Variants in VPS11 observed in about 807,000 individuals in gnomAD.
VPS11 encodes VPS11 core subunit of CORVET and HOPS complexes, also known as vacuolar protein sorting-associated protein 11 homolog.
A neutral mutation model predicts 106.8 loss-of-function variants in VPS11; 51 were observed. The ratio of observed to expected loss-of-function variants is 0.48; its 90% CI spans 0.38 to 0.60. The LOEUF (loss-of-function observed/expected upper bound fraction) is 0.60, where lower values mean the gene tolerates loss of function less well. VPS11 is among the 20% of genes least tolerant of loss of function. The probability of loss-of-function intolerance (pLI) is 0.00; values close to 1 mark genes in which losing one functional copy is unlikely to be tolerated. For missense variants in VPS11, 950 were observed against 1,190.0 expected, an observed-to-expected ratio of 0.80 and a Z score of 2.97; for synonymous variants, 453 against 458.7, an observed-to-expected ratio of 0.99 and a Z score of 0.16.
chr11:119,069,321 G>C lies in VPS11; in HGVS notation c.313G>C (p.Asp105His), dbSNP rs782263380. 6.8e-6 allele frequency: 11 copies of C among 1,614,010 alleles called. No homozygotes were observed. The highest frequency in any genetic ancestry group is 9.3e-6 in the Non-Finnish European group (11 of 1,179,896). Residue 105 changes from aspartate (D) to histidine (H), a missense_variant, in exon 2 of 16, where the codon GAT becomes CAT. Coordinates refer to ENST00000621676, the MANE Select transcript of VPS11 (RefSeq NM_021729.6). ...QHNILASVGEDEEGINPLVKI... is the reference protein window; with the variant it reads ...QHNILASVGEHEEGINPLVKI... ...CAATATTCTGGCATCTGTTGGAGAA[G>C]ATGAAGAGGGCATCAACCCCTTGGT...
Position 119,073,337 on chromosome 11 carries a change from G to T in VPS11, c.1024G>T (p.Val342Leu), listed in dbSNP as rs781940045. 1.2e-6 allele frequency: 2 copies of T among 1,613,964 alleles called. No individual in the cohort carries two copies. The highest frequency in any genetic ancestry group is 1.7e-6 in the Non-Finnish European group (2 of 1,179,886). ...DVLAEWGSLY[V>L]LTRDGRVHAL... is the part of the protein sequence containing the mutation. ...GCTTGCTGAGTGGGGCTCCCTGTAC[G>T]TGCTGACGCGGGATGGGCGGGTCCA... The change falls in exon 6 of 16, where the codon GTG becomes TTG. Residue 342 changes from valine (V) to leucine (L), a missense_variant. Physicochemically the swap from Val to Leu is conservative, Grantham distance 32. Coordinates refer to ENST00000621676, the MANE Select transcript of VPS11 (RefSeq NM_021729.6).
At chr11:119,074,017 C>T (rs955157701) in intron 7 of VPS11, 66 bp downstream of exon 7, 23 of 1,528,096 alleles carry the variant, frequency 1.5e-5, no homozygotes, top group Non-Finnish European at 2.1e-5. Context: ...TAGCTAAAGC[C>T]CATCCATGCT....
chr11:119,079,275 C>A lies in VPS11; in HGVS notation c.2413C>A (p.Gln805Lys). The A allele has an allele frequency of 1.3e-6, 2 of 1,598,560 alleles. No individual in the cohort carries two copies. The highest frequency in any genetic ancestry group is 1.1e-5 in the South Asian group (1 of 88,688). ...RYREETTRIR[Q>K]EIQELKASPK... Reference sequence around the variant, plus strand: ...CCGAGAGGAGACCACCCGTATCCGCCAGGAGATCCAAGAGCTCAAGGCCAG... The same window carrying A: ...CCGAGAGGAGACCACCCGTATCCGCAAGGAGATCCAAGAGCTCAAGGCCAG... The change falls in exon 14 of 16, where the codon CAG (glutamine) becomes AAG (lysine). Residue 805 changes from glutamine to lysine, a missense_variant. By Grantham distance (53) the Gln-to-Lys change is moderately conservative (BLOSUM62 1). Coordinates refer to ENST00000621676, the MANE Select transcript of VPS11 (RefSeq NM_021729.6).
In VPS11 at chr11:119,079,222, C is replaced by T. The variant is rs781919988; in HGVS notation, c.2360C>T (p.Ala787Val). 6.2e-7 allele frequency: 1 copy of T among 1,612,746 alleles called. No individual in the cohort carries two copies. The highest frequency in any genetic ancestry group is 8.5e-7 in the Non-Finnish European group (1 of 1,179,372). Residue 787 changes from alanine (A) to valine (V), a missense_variant, in exon 14 of 16, where the codon GCA becomes GTA. By Grantham distance (64) the Ala-to-Val change is moderately conservative. Coordinates refer to ENST00000621676, the MANE Select transcript of VPS11 (RefSeq NM_021729.6). Reference protein sequence around the residue: ...QKLQKQSQQIAQDELRVRRYR... With the variant: ...QKLQKQSQQIVQDELRVRRYR... ...CTACAGAAACAGAGCCAGCAGATTGCACAGGATGAGCTGCGGGTGCGGCGG... is the reference window on the plus strand; with the variant it reads ...CTACAGAAACAGAGCCAGCAGATTGTACAGGATGAGCTGCGGGTGCGGCGG...
At chr11:119,070,560 C>G (rs1331565160) in intron 4 of VPS11, 163 bp downstream of exon 4, 2 of 789,214 alleles carry the variant, frequency 2.5e-6, no homozygotes, top group Non-Finnish European at 3.6e-6. Context: ...GCCTAGGAAG[C>G]TGGAAAGAGT....
chr11:119,079,173 A>G lies in VPS11; in HGVS notation c.2311A>G (p.Ile771Val), dbSNP rs782319766. The G allele has an allele frequency of 3.7e-6, 6 of 1,613,898 alleles. No individual in the cohort carries two copies. In the South Asian group the frequency reaches 5.5e-5, roughly 15 times the overall value. Reference protein sequence around the residue: ...AHNSTATLSVIRDYLVQKLQK... With the variant: ...AHNSTATLSVVRDYLVQKLQK... ...CAACTCCACAGCCACACTCTCCGTC[A>G]TCAGGGACTACCTGGTCCAAAAACT... The change falls in exon 14 of 16, where the codon ATC (isoleucine) becomes GTC (valine). Residue 771 changes from isoleucine (I) to valine (V), a missense_variant. Coordinates refer to ENST00000621676, the MANE Select transcript of VPS11 (RefSeq NM_021729.6).
At chr11:119,075,136 G>A (rs1187349709) in intron 7 of VPS11, among the ~76,000 whole-genome samples, 8 of 151,932 alleles carry the variant, frequency 5.3e-5, no homozygotes, top group Non-Finnish European at 8.8e-5. Flanking sequence ...GTGTCGTGGC[G>A]GGCGCCTGTA....
chr11:119,077,857 C>G lies in VPS11; in HGVS notation c.1573-21C>G, dbSNP rs781814943. 6 of 1,613,474 alleles carry G rather than the reference C, an allele frequency of 3.7e-6. 1 individual carries two copies. In the South Asian group the frequency reaches 6.6e-5, roughly 18 times the overall value. On this transcript the variant is annotated intron_variant, in intron 9 of 15. Coordinates refer to ENST00000621676, the MANE Select transcript of VPS11 (RefSeq NM_021729.6). Reference sequence around the variant, plus strand: ...GGCTGAGGCAGGAGTATACACTATTCTGCCCTTTACTTTTCCACAGAATTA... The same window carrying G: ...GGCTGAGGCAGGAGTATACACTATTGTGCCCTTTACTTTTCCACAGAATTA...
intron 1 of VPS11, among the ~76,000 whole-genome samples, 190 bp from the exon 2 acceptor site, chr11:119,069,006 C>CG (rs1491094351): frequency 0.015 from 988 of 65,816 alleles, 105 homozygotes; most frequent in African/African-American, 0.062. Context: ...ACCCCCCCCC[C>CG]CCCCCGGCCT....
rs1365471382 is a variant in VPS11 at position 119,069,272 on chromosome 11, A to T, written c.264A>T (p.Thr88=). ...TGFQAYKLRV[T]HLYQLKQHNI... is the part of the protein sequence containing the mutation. ...TCCAAGCCTACAAACTACGGGTGACACACCTGTACCAACTGAAGCAGCACA... is the reference window on the plus strand; with the variant it reads ...TCCAAGCCTACAAACTACGGGTGACTCACCTGTACCAACTGAAGCAGCACA... The change falls in exon 2 of 16, where the codon ACA becomes ACT. Residue 88 remains threonine, a synonymous_variant. Transcript: ENST00000621676. 1.2e-6 allele frequency: 2 copies of T among 1,613,994 alleles called. No homozygotes were observed. The highest frequency in any genetic ancestry group is 4.5e-5 in the East Asian group (2 of 44,890).
At chr11:119,074,488 C>A (rs1257285591) in intron 7 of VPS11, among the ~76,000 whole-genome samples, 6 of 151,454 alleles carry the variant, frequency 4.0e-5, no homozygotes, top group African/African-American at 1.2e-4. Context: ...TCACTGCAAC[C>A]TCTGCCTCGG....
chr11:119,075,051 G>T (rs1945551602), intron 7 of VPS11, among the ~76,000 whole-genome samples: 1 of 152,050 alleles, frequency 6.6e-6, no homozygotes, highest in Non-Finnish European at 1.5e-5. Context: ...TGGATCACGA[G>T]GTCAGGAGAT....
rs376804275 is a variant in VPS11 at position 119,069,313 on chromosome 11, T to C, written c.305T>C (p.Val102Ala). 1.9e-6 allele frequency: 3 copies of C among 1,613,838 alleles called. No homozygotes were observed. In the African/African-American group the frequency reaches 4.0e-5, roughly 22 times the overall value. The change falls in exon 2 of 16, where the codon GTT becomes GCT. Residue 102 changes from valine to alanine, a missense_variant. Around this residue, in one of 3 missense-constraint regions of VPS11, gnomAD observed 435 missense variants for 630.2 expected, o/e 0.69. Coordinates refer to ENST00000621676, the MANE Select transcript of VPS11 (RefSeq NM_021729.6). ...QLKQHNILASVGEDEEGINPL... is the reference protein window; with the variant it reads ...QLKQHNILASAGEDEEGINPL... ...AAGCAGCACAATATTCTGGCATCTG[T>C]TGGAGAAGATGAAGAGGGCATCAAC...
chr11:119,074,066 T>G (rs1945506343), intron 7 of VPS11, 115 bp downstream of exon 7: 1 of 1,284,898 alleles, frequency 7.8e-7, no homozygotes, highest in Non-Finnish European at 1.0e-6. Flanking sequence ...ACTGTTTTTG[T>G]TTTTGGTTTT....
intron 5 of VPS11, 78 bp downstream of exon 5, chr11:119,071,921 C>T (rs976445688): frequency 6.5e-7 from 1 of 1,543,810 alleles, no homozygotes; most frequent in Non-Finnish European, 8.8e-7. Flanking sequence ...AATCCTAATG[C>T]CTGGATACTG....
At chr11:119,068,823 C>G (rs371370916) in intron 1 of VPS11, among the ~76,000 whole-genome samples, 8 of 152,002 alleles carry the variant, frequency 5.3e-5, no homozygotes, top group African/African-American at 1.9e-4. Context: ...ATGATCTGGG[C>G]ACACTGCAAC....
chr11:119,079,102 T>G, intron 13 of VPS11, 27 bp from the exon 14 acceptor site: 3 of 1,612,314 alleles, frequency 1.9e-6, no homozygotes, highest in Non-Finnish European at 2.5e-6. Flanking sequence ...GTTGATTGTC[T>G]TGTTTCCTCT....
Position 119,071,655 on chromosome 11 carries a change from C to T in VPS11, c.696C>T (p.Gly232=). 6.2e-7 allele frequency: 1 copy of T among 1,614,008 alleles called. No individual in the cohort carries two copies. The highest frequency in any genetic ancestry group is 8.5e-7 in the Non-Finnish European group (1 of 1,179,894). The change falls in exon 5 of 16, where the codon GGC becomes GGT. Residue 232 remains glycine (G), a synonymous_variant. Transcript: ENST00000621676. The part of the protein sequence containing the change: ...PRVELDTHGC[G]LRCSALSDPS... ...TGGAGTTGGACACCCATGGTTGTGG[C>T]CTGCGCTGCTCAGCCCTAAGTGACC... is the stretch of plus-strand genomic sequence containing the variant.
At position 119,076,883 on chromosome 11, in the gene VPS11, A is replaced by AC; in HGVS notation, c.1239-13dup. The AC allele has an allele frequency of 6.2e-7, 1 of 1,613,674 alleles. No individual in the cohort carries two copies. The highest frequency in any genetic ancestry group is 1.3e-5 in the African/African-American group (1 of 75,050). On this transcript the variant is annotated splice_polypyrimidine_tract_variant and intron_variant, in intron 7 of 15. Coordinates refer to ENST00000621676, the MANE Select transcript of VPS11 (RefSeq NM_021729.6). ...CACTGATTCAGATGCTATCGGGTGC[A>AC]CATGTCTCCCTAGAACCATTGGAAA... is the stretch of plus-strand genomic sequence containing the variant.
Sources: allele counts gnomAD v4.1 joint callset (sites outside exome capture counted in the v4.1 genomes callset), GRCh38; gene constraint gnomAD v4.1.1; regional missense constraint gnomAD v4.1.1; transcripts MANE v1.5; gene names NCBI Gene and HGNC (gene_info 2026-07-23, HGNC 2026-07-21).